Variants in TNS3 observed in about 807,000 individuals in gnomAD.
The protein encoded by TNS3 is tensin 3.
TNS3 carries 45 observed loss-of-function variants against 140.9 expected under a neutral mutation model. The observed-to-expected ratio is 0.32, with a 90% CI of 0.25 to 0.41. The LOEUF (loss-of-function observed/expected upper bound fraction) is 0.41. TNS3 is among the 10% of genes least tolerant of loss of function. The pLI is 1.00. For synonymous variants in TNS3, 815 were observed against 788.4 expected (o/e 1.03, Z -0.56); for missense variants, 1,716 against 1,906.7 (o/e 0.90, Z 1.86).
intron 20 of TNS3, among the ~76,000 whole-genome samples, chr7:47,335,084 A>G (rs1788558176): frequency 6.6e-6 from 1 of 152,166 alleles, no homozygotes; most frequent in South Asian, 2.1e-4. Context: ...CCATTGTTAC[A>G]TTTTTACAAA....
At chr7:47,510,569 G>T (rs1315242392) in intron 2 of TNS3, among the ~76,000 whole-genome samples, 1 of 152,262 alleles carries the variant, frequency 6.6e-6, no homozygotes, top group African/African-American at 2.4e-5. Flanking sequence ...GTGAAAATTA[G>T]AATTTTAAAA....
At chr7:47,504,442 A>C (rs943427138) in intron 3 of TNS3, among the ~76,000 whole-genome samples, 8 of 152,286 alleles carry the variant, frequency 5.3e-5, no homozygotes, top group African/African-American at 1.9e-4. Context: ...CTGTAGACAC[A>C]GGCGCAAGTG....
At chr7:47,571,183 C>T (rs1021250514) in intron 1 of TNS3, among the ~76,000 whole-genome samples, 1 of 152,214 alleles carries the variant, frequency 6.6e-6, no homozygotes, top group Non-Finnish European at 1.5e-5. Context: ...GAAAAGGAAT[C>T]GAAGGCTAAC....
intron 16 of TNS3, among the ~76,000 whole-genome samples, chr7:47,395,668 A>G (rs1792787326): frequency 1.3e-5 from 2 of 152,202 alleles, no homozygotes; most frequent in South Asian, 4.1e-4. Flanking sequence ...AATAATTCAC[A>G]CCAGCAAAGA....
chr7:47,298,317 C>T (rs1294537283), intron 23 of TNS3, among the ~76,000 whole-genome samples: 2 of 152,232 alleles, frequency 1.3e-5, no homozygotes, highest in African/African-American at 4.8e-5. Context: ...CACAGTGGGT[C>T]ACCCAGCTTC....
intron 20 of TNS3, among the ~76,000 whole-genome samples, chr7:47,334,912 C>T (rs1584423567): frequency 6.6e-6 from 1 of 152,268 alleles, no homozygotes; most frequent in East Asian, 1.9e-4. Flanking sequence ...TGGCGAGAAC[C>T]ACGACTTTTT....
intron 15 of TNS3, among the ~76,000 whole-genome samples, chr7:47,398,213 G>T (rs944844213): frequency 1.3e-5 from 2 of 152,084 alleles, no homozygotes; most frequent in East Asian, 1.9e-4. Context: ...TGGATTCACA[G>T]CTGAATTCTA....
Position 47,408,903 on chromosome 7 carries a change from C to T in TNS3, c.723+2824G>A, listed in dbSNP as rs78383514. Among the ~76,000 whole-genome samples the T allele has an allele frequency of 8.0e-3, 1,222 of 152,234 alleles. 19 individuals carry two copies. Among genetic ancestry groups the T allele is most frequent in the African/African-American group, 0.028 (1,173 of 41,526 alleles). On this transcript the variant is annotated intron_variant, in intron 13 of 30. Transcript: ENST00000311160. The stretch of plus-strand genomic sequence containing the variant: ...TCCTGTGACCTCTCCCACCCCGTCT[C>T]ATCAAGGCCTCTGTAGGCTACACGG...
At chr7:47,414,485 G>C (rs1793964178) in intron 11 of TNS3, among the ~76,000 whole-genome samples, 1 of 152,162 alleles carries the variant, frequency 6.6e-6, no homozygotes, top group African/African-American at 2.4e-5. Flanking sequence ...CTCCTGCATG[G>C]GACAAGGGAG....
intron 4 of TNS3, among the ~76,000 whole-genome samples, chr7:47,444,104 A>G (rs557163292): frequency 3.9e-5 from 6 of 152,236 alleles, no homozygotes; most frequent in Non-Finnish European, 7.3e-5. Flanking sequence ...AATAGAGCCA[A>G]TCTCATTATG....
At chr7:47,519,618 C>T (rs1433997487) in intron 2 of TNS3, among the ~76,000 whole-genome samples, 1 of 152,118 alleles carries the variant, frequency 6.6e-6, no homozygotes, top group Non-Finnish European at 1.5e-5. Context: ...TGGCAGATGT[C>T]CACCTGTGTG....
At chr7:47,409,271 G>A (rs929797026) in intron 13 of TNS3, among the ~76,000 whole-genome samples, 26 of 151,922 alleles carry the variant, frequency 1.7e-4, no homozygotes, top group Admixed American at 2.6e-4. Flanking sequence ...GACTGCCCCC[G>A]CCCGCCTGGT....
intron 8 of TNS3, among the ~76,000 whole-genome samples, chr7:47,430,725 TTC>T (rs1380990751): frequency 1.5e-5 from 2 of 137,864 alleles, no homozygotes; most frequent in Non-Finnish European, 3.3e-5. Context: ...TCAGTATTTT[TTC>T]TTTTTTTTTT....
intron 1 of TNS3, among the ~76,000 whole-genome samples, chr7:47,571,914 T>C (rs917725670): frequency 2.6e-5 from 4 of 152,154 alleles, no homozygotes; most frequent in African/African-American, 7.2e-5. Flanking sequence ...ACTAACCCAG[T>C]CTGTGAAGAG....
intron 16 of TNS3, among the ~76,000 whole-genome samples, chr7:47,371,839 C>T (rs1791089708): frequency 6.6e-6 from 1 of 152,242 alleles, no homozygotes; most frequent in Admixed American, 6.5e-5. Context: ...CAAATCCCAG[C>T]TCCATCCTGA....
chr7:47,433,046 G>A (rs947849229), intron 8 of TNS3, among the ~76,000 whole-genome samples: 8 of 152,164 alleles, frequency 5.3e-5, no homozygotes, highest in African/African-American at 1.9e-4. Context: ...TAACCAGGGT[G>A]TGGAGGGGTG....
intron 17 of TNS3, among the ~76,000 whole-genome samples, chr7:47,349,844 A>G (rs1789560798): frequency 6.6e-6 from 1 of 152,224 alleles, no homozygotes; most frequent in Admixed American, 6.5e-5. Flanking sequence ...CAGGAGACCA[A>G]CGTTTATCCA....
intron 4 of TNS3, among the ~76,000 whole-genome samples, chr7:47,473,717 G>A (rs964799928): frequency 2.0e-5 from 3 of 152,138 alleles, no homozygotes; most frequent in Non-Finnish European, 4.4e-5. Flanking sequence ...GGCTGGGGCC[G>A]GCAGAACAGA....
rs189828795 is a variant in TNS3, at chr7:47,387,516, C to T, written c.1024+9284G>A. Among the ~76,000 whole-genome samples, 3 of 152,350 alleles carry T rather than the reference C, an allele frequency of 2.0e-5. No individual in the cohort carries two copies. The East Asian group carries it at 5.8e-4, about 29-fold the overall frequency. On this transcript the variant is annotated intron_variant, in intron 16 of 30. Transcript: ENST00000311160. ...CAGAGATGCAGGCCATGAGGGTGCA[C>T]CTCCATGTAAGGGTCCCTGTCCCCA...
Sources: gnomAD v4.1 joint callset for allele counts (sites outside exome capture counted in the v4.1 genomes callset) on GRCh38, gnomAD v4.1.1 for gene constraint, MANE v1.5 for transcripts, NCBI Gene and HGNC (gene_info 2026-07-23, HGNC 2026-07-21) for gene names.